Variants in CTDSPL observed in about 807,000 individuals in gnomAD.
CTDSPL encodes CTD small phosphatase like, also known as CTD small phosphatase-like protein.
Under a neutral mutation model 30.5 loss-of-function variants are expected in CTDSPL, and 8 were observed. The observed-to-expected ratio is 0.26, with a 90% CI of 0.15 to 0.47. The LOEUF (loss-of-function observed/expected upper bound fraction) is 0.47, where lower values mean the gene tolerates loss of function less well. Ranked by LOEUF, CTDSPL falls within the 20% of genes least tolerant of loss-of-function variation. CTDSPL has a pLI of 0.99. For missense variants in CTDSPL, 248 were observed against 366.1 expected, an observed-to-expected ratio of 0.68 and a Z score of 2.63; for synonymous variants, 110 against 137.9, an observed-to-expected ratio of 0.80 and a Z score of 1.42.
At chr3:37,942,256 G>A (rs1336517090) in intron 1 of CTDSPL, among the ~76,000 whole-genome samples, 1 of 150,438 alleles carries the variant, frequency 6.6e-6, no homozygotes, top group Non-Finnish European at 1.5e-5. Context: ...AAAAATGTAC[G>A]CCCGCAGAAT....
intron 1 of CTDSPL, among the ~76,000 whole-genome samples, chr3:37,918,811 TATGTGATCTG>T (rs1262700979): frequency 3.9e-5 from 6 of 152,142 alleles, no homozygotes; most frequent in African/African-American, 1.4e-4. Flanking sequence ...ATTCAAACTG[TATGTGATCTG>T]GGCCCCCTGC....
chr3:37,978,178 G>A (rs917623943), intron 7 of CTDSPL, among the ~76,000 whole-genome samples: 3 of 152,142 alleles, frequency 2.0e-5, no homozygotes, highest in South Asian at 2.1e-4. Context: ...GTGTTCTAGC[G>A]GCCTCCAAAA....
At chr3:37,967,032 G>A (rs955923422) in intron 4 of CTDSPL, among the ~76,000 whole-genome samples, 1 of 152,246 alleles carries the variant, frequency 6.6e-6, no homozygotes, top group Non-Finnish European at 1.5e-5. Context: ...AATTTTAAAT[G>A]TCATTAATAT....
intron 7 of CTDSPL, among the ~76,000 whole-genome samples, chr3:37,979,326 G>A (rs1699463859): frequency 6.6e-6 from 1 of 151,716 alleles, no homozygotes; most frequent in Non-Finnish European, 1.5e-5. Flanking sequence ...AAAAAAGGCT[G>A]GGGTGGTGGC....
chr3:37,981,131 A>C lies in CTDSPL; in HGVS notation c.*264A>C. On this transcript the variant is annotated 3_prime_UTR_variant, in exon 8 of 8. Coordinates refer to ENST00000273179, the MANE Select transcript of CTDSPL (RefSeq NM_001008392.2). ...ACATACCAAAAAAGAAAAAAATAGA[A>C]AAAAAAAAAAAAAAAGCTTGATCTC... is the stretch of plus-strand genomic sequence containing the variant. The C allele has an allele frequency of 5.3e-6, 1 of 190,072 alleles. No individual in the cohort carries two copies. The allele number at this position is 190,072 out of a possible 1,614,324, so 11.8% of individuals were successfully genotyped here. A position where few individuals can be genotyped will look rare whatever the true frequency, so the allele number is the denominator to read the frequency against.
intron 1 of CTDSPL, among the ~76,000 whole-genome samples, chr3:37,870,084 G>A (rs1373075709): frequency 1.3e-5 from 2 of 151,902 alleles, no homozygotes; most frequent in Non-Finnish European, 2.9e-5. Flanking sequence ...GTCTTTATCT[G>A]GTTTGGTATC....
rs140994338 is a variant in CTDSPL at position 37,880,136 on chromosome 3, G to GAT, written c.79+17873_79+17874dup. Among the ~76,000 whole-genome samples, 462 of 146,352 alleles carry GAT rather than the reference G, an allele frequency of 3.2e-3. 1 individual carries two copies. The highest frequency in any genetic ancestry group is 0.012 in the East Asian group (63 of 5,046). ...TAATATTATATATATATAAAAATAA[G>GAT]ATATATATATATATATCTTATTTCA... On this transcript the variant is annotated intron_variant, in intron 1 of 7. Transcript: ENST00000273179.
At chr3:37,960,823 C>T (rs1025968043) in intron 3 of CTDSPL, among the ~76,000 whole-genome samples, 28 of 152,050 alleles carry the variant, frequency 1.8e-4, no homozygotes, top group Admixed American at 8.5e-4. Flanking sequence ...TTCACAAGTT[C>T]ATTGGCTTTC....
At chr3:37,979,332 G>C (rs1200438723) in intron 7 of CTDSPL, among the ~76,000 whole-genome samples, 1 of 152,074 alleles carries the variant, frequency 6.6e-6, no homozygotes, top group Non-Finnish European at 1.5e-5. Context: ...GGCTGGGGTG[G>C]TGGCTCATGC....
At chr3:37,887,845 C>T (rs1044559843) in intron 1 of CTDSPL, among the ~76,000 whole-genome samples, 2 of 152,208 alleles carry the variant, frequency 1.3e-5, no homozygotes, top group African/African-American at 2.4e-5. Context: ...AGTAATAGCT[C>T]CTCCAAATGC....
Position 37,975,980 on chromosome 3 carries a change from A to G in CTDSPL, c.705+86A>G. The G allele has an allele frequency of 7.2e-7, 1 of 1,393,670 alleles. No individual in the cohort carries two copies. The highest frequency in any genetic ancestry group is 9.9e-7 in the Non-Finnish European group (1 of 1,013,968). The allele number at this position is 1,393,670 out of a possible 1,614,324, so 86.3% of individuals were successfully genotyped here. On this transcript the variant is annotated intron_variant, in intron 7 of 7. Transcript: ENST00000273179. The surrounding 1 kb of genome is among the most constrained non-coding windows in gnomAD (Gnocchi z 4.9). ...AGGTACCACTTTTGAGCACCTACAC[A>G]AGAAGGTCTCTGGGCCTTTTCCTAA...
At position 37,861,881 on chromosome 3, in the gene CTDSPL, C is replaced by T. The variant is rs1697942463; in HGVS notation, c.-319C>T. The T allele has an allele frequency of 2.2e-5, 3 of 137,148 alleles. No individual in the cohort carries two copies. The South Asian group carries it at 7.4e-4, about 34-fold the overall frequency. The allele number at this position is 137,148 out of a possible 1,614,324, so 8.5% of individuals were successfully genotyped here. On this transcript the variant is annotated 5_prime_UTR_variant, in exon 1 of 8. Coordinates refer to ENST00000273179, the MANE Select transcript of CTDSPL (RefSeq NM_001008392.2). ...CCCGCCCTCCCGCCCTCGCTCGCTC[C>T]TTCCCCCTCGCCCGCCCGCTCCCGC... is the stretch of plus-strand genomic sequence containing the variant.
chr3:37,977,318 G>T (rs1699439981), intron 7 of CTDSPL, among the ~76,000 whole-genome samples: 1 of 152,228 alleles, frequency 6.6e-6, no homozygotes, highest in South Asian at 2.1e-4. Context: ...TTTCAATCGG[G>T]ATCCAAAAAG....
intron 1 of CTDSPL, among the ~76,000 whole-genome samples, chr3:37,876,975 G>A (rs1046553642): frequency 1.3e-5 from 2 of 151,678 alleles, no homozygotes; most frequent in African/African-American, 2.4e-5. Context: ...GTGTGGTGGT[G>A]CACGCCTGTA....
In CTDSPL at chr3:37,862,428, G is replaced by A. The variant is rs573560285; in HGVS notation, c.79+150G>A. 2.9e-5 allele frequency: 16 copies of A among 542,710 alleles called. No homozygotes were observed. The South Asian group carries it at 5.6e-4, about 19-fold the overall frequency. The allele number at this position is 542,710 out of a possible 1,614,324, so 33.6% of individuals were successfully genotyped here. A position where few individuals can be genotyped will look rare whatever the true frequency, so the allele number is the denominator to read the frequency against. On this transcript the variant is annotated intron_variant, in intron 1 of 7. Coordinates refer to ENST00000273179, the MANE Select transcript of CTDSPL (RefSeq NM_001008392.2). The surrounding 1 kb of genome is among the most constrained non-coding windows in gnomAD (Gnocchi z 4.3). ...GTGGGGTGCGCCCGGAGGAGAGCGAGGCTGCCAGAGTGCGTGTGCCGACTG... is the reference window on the plus strand; with the variant it reads ...GTGGGGTGCGCCCGGAGGAGAGCGAAGCTGCCAGAGTGCGTGTGCCGACTG...
At chr3:37,974,575 C>G (rs923696506) in intron 6 of CTDSPL, among the ~76,000 whole-genome samples, 1 of 152,232 alleles carries the variant, frequency 6.6e-6, no homozygotes, top group African/African-American at 2.4e-5. Context: ...ATGGCCCACT[C>G]TTTTAGGTAT....
At chr3:37,948,011 T>C (rs768132287) in intron 2 of CTDSPL, among the ~76,000 whole-genome samples, 2 of 152,192 alleles carry the variant, frequency 1.3e-5, no homozygotes, top group Admixed American at 6.5e-5. Flanking sequence ...AGGCCAGGCA[T>C]GGTGGCTCAC....
chr3:37,960,960 G>A (rs563593956), intron 3 of CTDSPL, among the ~76,000 whole-genome samples: 51 of 151,476 alleles, frequency 3.4e-4, no homozygotes, highest in Non-Finnish European at 4.1e-4. Flanking sequence ...TAATTATTTT[G>A]GCCACAAGGA....
At chr3:37,907,367 G>A (rs1684276718) in intron 1 of CTDSPL, among the ~76,000 whole-genome samples, 1 of 152,202 alleles carries the variant, frequency 6.6e-6, no homozygotes, top group Non-Finnish European at 1.5e-5. Flanking sequence ...AGTTATCACA[G>A]AGACTTCTTG....
Sources: gnomAD v4.1 joint callset for allele counts (sites outside exome capture counted in the v4.1 genomes callset) on GRCh38, gnomAD v4.1.1 for gene constraint, Gnocchi (gnomAD v3.1) non-coding constraint, MANE v1.5 for transcripts, NCBI Gene and HGNC (gene_info 2026-07-23, HGNC 2026-07-21) for gene names.